CUX2: variants seen among roughly 807,000 people sequenced by gnomAD.
The protein encoded by CUX2 is homeobox protein cut-like 2.
Under a neutral mutation model 144.8 loss-of-function variants are expected in CUX2, and 40 were observed. The ratio of observed to expected loss-of-function variants is 0.28; its 90% CI spans 0.21 to 0.36. The LOEUF (loss-of-function observed/expected upper bound fraction) is 0.36, where lower values mean the gene tolerates loss of function less well. CUX2 is among the 10% of genes least tolerant of loss of function. The pLI is 1.00. For synonymous variants in CUX2, 827 were observed against 875.6 expected, an observed-to-expected ratio of 0.94 and a Z score of 0.98; for missense variants, 1,615 against 1,994.0, an observed-to-expected ratio of 0.81 and a Z score of 3.62.
At position 111,227,304 on chromosome 12, in the gene CUX2, T is replaced by C. The variant is rs372710599; in HGVS notation, c.222+9367T>C. ...CTCATTCATCTGGAGCCTGTGGCAG[T>C]GGAGAAGTGACTTAAGCCTAGAGTC... On this transcript the variant is annotated intron_variant, in intron 3 of 21. Transcript: ENST00000261726. Among the ~76,000 whole-genome samples the C allele has an allele frequency of 5.9e-5, 9 of 152,250 alleles. No individual in the cohort carries two copies. The South Asian group carries it at 1.7e-3, about 28-fold the overall frequency.
At chr12:111,339,568 AGCCGAGTCAG>A (rs1309598435) in intron 20 of CUX2, 1 of 152,268 alleles carries the variant, frequency 6.6e-6, no homozygotes, top group Non-Finnish European at 1.5e-5. Flanking sequence ...TCAGAAGCTA[AGCCGAGTCAG>A]GCCTGGTTAG....
intron 1 of CUX2, among the ~76,000 whole-genome samples, chr12:111,151,727 G>A (rs1426411606): frequency 6.6e-6 from 1 of 152,112 alleles, no homozygotes; most frequent in African/African-American, 2.4e-5. Context: ...GCCTCCCCTA[G>A]GAAGGCAGGG....
At chr12:111,073,576 G>T (rs1017067152) in intron 1 of CUX2, among the ~76,000 whole-genome samples, 1 of 152,054 alleles carries the variant, frequency 6.6e-6, no homozygotes, top group South Asian at 2.1e-4. Context: ...TTTGTTGTGG[G>T]TGCTGCTCTG....
At chr12:111,126,191 C>T (rs538093138) in intron 1 of CUX2, among the ~76,000 whole-genome samples, 1 of 151,828 alleles carries the variant, frequency 6.6e-6, no homozygotes, top group Non-Finnish European at 1.5e-5. Flanking sequence ...TCACTGCAAC[C>T]TCTGCCTCTC....
At chr12:111,098,419 A>G (rs1238983517) in intron 1 of CUX2, among the ~76,000 whole-genome samples, 1 of 151,468 alleles carries the variant, frequency 6.6e-6, no homozygotes, top group Non-Finnish European at 1.5e-5. Flanking sequence ...AAAAAAAAGA[A>G]CTGAGTGGGA....
At chr12:111,318,714 A>G (rs1032915430) in intron 16 of CUX2, among the ~76,000 whole-genome samples, 1 of 151,402 alleles carries the variant, frequency 6.6e-6, no homozygotes, top group African/African-American at 2.4e-5. Flanking sequence ...TGGATGTCTC[A>G]TTCTGTCACC....
intron 4 of CUX2, among the ~76,000 whole-genome samples, chr12:111,290,895 C>T (rs1024291174): frequency 2.7e-5 from 4 of 149,750 alleles, no homozygotes; most frequent in African/African-American, 9.9e-5. Flanking sequence ...TGGAGTCTTG[C>T]TCTATCGCCC....
At chr12:111,332,584 C>T (rs1888169183) in intron 18 of CUX2, among the ~76,000 whole-genome samples, 1 of 152,018 alleles carries the variant, frequency 6.6e-6, no homozygotes, top group African/African-American at 2.4e-5. Flanking sequence ...TGGATCATTG[C>T]TGACTTCTTT....
intron 1 of CUX2, among the ~76,000 whole-genome samples, chr12:111,205,122 G>A (rs1017316442): frequency 6.6e-6 from 1 of 151,892 alleles, no homozygotes; most frequent in African/African-American, 2.4e-5. Context: ...TATCCATCTC[G>A]GCGGGCTGCG....
In CUX2 at chr12:111,039,213, T is replaced by C. The variant is rs1179621996; in HGVS notation, c.63+4973T>C. 6.6e-6 allele frequency among the ~76,000 whole-genome samples: 1 copy of C among 152,172 alleles called. No individual in the cohort carries two copies. Among genetic ancestry groups the C allele is most frequent in the Admixed American group, 6.5e-5 (1 of 15,278 alleles). On this transcript the variant is annotated intron_variant, in intron 1 of 21. Transcript: ENST00000261726. The surrounding 1 kb of genome is among the most constrained non-coding windows in gnomAD (Gnocchi z 4.2). ...GCCGGGCCTGGCAGAGGTGAAGCAT[T>C]GGAAGGGGACTCAGGTGGTGACCTG...
chr12:111,282,446 G>A (rs1473267499), intron 4 of CUX2, among the ~76,000 whole-genome samples: 2 of 151,928 alleles, frequency 1.3e-5, no homozygotes, highest in Admixed American at 1.3e-4. Context: ...GACCAATATG[G>A]TGAAACCCCG....
intron 1 of CUX2, among the ~76,000 whole-genome samples, chr12:111,159,655 T>A (rs1877624483): frequency 6.6e-6 from 1 of 152,242 alleles, no homozygotes; most frequent in African/African-American, 2.4e-5. Context: ...CCCTTCCGGC[T>A]ATTCACATAC....
intron 1 of CUX2, among the ~76,000 whole-genome samples, chr12:111,196,842 G>A (rs897031913): frequency 6.6e-6 from 1 of 152,210 alleles, no homozygotes. Flanking sequence ...TGCAGTTCTA[G>A]AAGTTCAGGA....
chr12:111,133,431 A>G (rs1875636353), intron 1 of CUX2, among the ~76,000 whole-genome samples: 1 of 152,212 alleles, frequency 6.6e-6, no homozygotes, highest in South Asian at 2.1e-4. Flanking sequence ...GGCACTTCTT[A>G]CATGGCAGTA....
chr12:111,269,391 T>C (rs1354113377), intron 4 of CUX2, among the ~76,000 whole-genome samples: 2 of 152,226 alleles, frequency 1.3e-5, no homozygotes, highest in African/African-American at 4.8e-5. Flanking sequence ...CATCTTGTGT[T>C]GTTTACTCAG....
At chr12:111,199,560 A>G (rs759864282) in intron 1 of CUX2, among the ~76,000 whole-genome samples, 1 of 152,134 alleles carries the variant, frequency 6.6e-6, no homozygotes, top group Non-Finnish European at 1.5e-5. Context: ...TGCAGAAACA[A>G]AGGGAATGAG....
intron 14 of CUX2, among the ~76,000 whole-genome samples, 187 bp downstream of exon 14, chr12:111,308,713 G>T (rs1402505034): frequency 6.6e-6 from 1 of 152,182 alleles, no homozygotes; most frequent in Non-Finnish European, 1.5e-5. Flanking sequence ...CCACGTCATC[G>T]TTGGGGTCAC....
intron 3 of CUX2, among the ~76,000 whole-genome samples, chr12:111,258,435 C>T (rs1308414672): frequency 1.3e-5 from 2 of 151,462 alleles, no homozygotes; most frequent in Non-Finnish European, 2.9e-5. Flanking sequence ...ATCACTTGAA[C>T]CTGGGAGGTG....
Position 111,310,659 on chromosome 12 carries a change from G to A in CUX2, c.1877G>A (p.Arg626Lys). 6.3e-7 allele frequency: 1 copy of A among 1,594,680 alleles called. No homozygotes were observed. Among genetic ancestry groups the A allele is most frequent in the South Asian group, 1.1e-5 (1 of 90,422 alleles). Residue 626 changes from arginine (R) to lysine (K), a missense_variant, in exon 15 of 22, where the codon AGG becomes AAG. Around this residue, in one of 12 missense-constraint regions of CUX2, gnomAD observed 71 missense variants for 142.3 expected, o/e 0.50. Coordinates refer to ENST00000261726, the MANE Select transcript of CUX2 (RefSeq NM_015267.4). This position sits in a 1 kb window ranked among gnomAD's most constrained non-coding sequence, Gnocchi z 7.9. ...GATGAGCAGAATGTACTGGCGCTCAGGACCATCCAAGTGCGGCAGCGAGGT... is the reference window on the plus strand; with the variant it reads ...GATGAGCAGAATGTACTGGCGCTCAAGACCATCCAAGTGCGGCAGCGAGGT... ...LSDEQNVLAL[R>K]TIQVRQRGSI...
Sources: gnomAD v4.1 joint callset for allele counts (sites outside exome capture counted in the v4.1 genomes callset) on GRCh38, gnomAD v4.1.1 for gene constraint, gnomAD v4.1.1 regional missense constraint, Gnocchi (gnomAD v3.1) non-coding constraint, MANE v1.5 for transcripts, NCBI Gene and HGNC (gene_info 2026-07-23, HGNC 2026-07-21) for gene names.